Variants in GLT8D2 observed in about 807,000 individuals in gnomAD.
GLT8D2 encodes the protein glycosyltransferase 8 domain containing 2.
A neutral mutation model predicts 44.5 loss-of-function variants in GLT8D2; 45 were observed. That is an observed-to-expected ratio of 1.01 (90% CI 0.80 to 1.30). The LOEUF (loss-of-function observed/expected upper bound fraction) is 1.30, where lower values mean the gene tolerates loss of function less well. Among genes scored for constraint, GLT8D2 ranks in the 50% most tolerant of loss-of-function variants. The probability of loss-of-function intolerance (pLI) is 0.00; values close to 1 mark genes in which losing one functional copy is unlikely to be tolerated. For synonymous variants in GLT8D2, 156 were observed against 157.2 expected, an observed-to-expected ratio of 0.99 and a Z score of 0.06; for missense variants, 400 against 430.4, an observed-to-expected ratio of 0.93 and a Z score of 0.62.
At chr12:104,002,990 C>T in intron 5 of GLT8D2, 145 bp downstream of exon 5, 1 of 602,470 alleles carries the variant, frequency 1.7e-6, no homozygotes, top group Admixed American at 3.3e-5. Context: ...GAGAGAGAGA[C>T]AGAAAGAGAG....
At chr12:104,033,415 T>C (rs1191273688) in intron 1 of GLT8D2, among the ~76,000 whole-genome samples, 1 of 152,098 alleles carries the variant, frequency 6.6e-6, no homozygotes, top group Non-Finnish European at 1.5e-5. Flanking sequence ...GAAAAATGAA[T>C]ACAGCATGTT....
At chr12:104,036,822 A>C (rs1879976716) in intron 1 of GLT8D2, among the ~76,000 whole-genome samples, 1 of 152,234 alleles carries the variant, frequency 6.6e-6, no homozygotes, top group Non-Finnish European at 1.5e-5. Context: ...CTCAATAGAC[A>C]TCTACAGAAC....
At chr12:103,995,401 A>G (rs1873285343) in intron 8 of GLT8D2, among the ~76,000 whole-genome samples, 1 of 152,146 alleles carries the variant, frequency 6.6e-6, no homozygotes, top group African/African-American at 2.4e-5. Context: ...CCCCTGCCTC[A>G]AGATCTTTAC....
intron 4 of GLT8D2, among the ~76,000 whole-genome samples, chr12:104,008,089 G>A (rs1276280770): frequency 2.6e-5 from 4 of 152,234 alleles, no homozygotes; most frequent in Admixed American, 6.5e-5. Context: ...TACCAGTAGA[G>A]TGGGACGTTG....
At chr12:104,024,709 T>A (rs1878332239) in intron 1 of GLT8D2, among the ~76,000 whole-genome samples, 1 of 152,222 alleles carries the variant, frequency 6.6e-6, no homozygotes, top group African/African-American at 2.4e-5. Flanking sequence ...TTAAATCTTT[T>A]GTGCATTTTT....
chr12:103,989,821 T>C (rs4135150), intron 10 of GLT8D2, among the ~76,000 whole-genome samples: 12,779 of 152,026 alleles, frequency 0.084, 831 homozygotes, highest in East Asian at 0.31. Flanking sequence ...GAAGACAAAA[T>C]AGAGCATACT....
rs1021745793 is a variant in GLT8D2 at position 104,050,133 on chromosome 12, T to C, written c.-402A>G. On this transcript the variant is annotated 5_prime_UTR_variant, in exon 1 of 11. Transcript: ENST00000360814. The stretch of plus-strand genomic sequence containing the variant: ...GCGTTGACTTCGGAACGTCTCGGGT[T>C]TCTTCCACCTCTGCGCGAAGCCGCT... 6.6e-6 allele frequency: 1 copy of C among 152,296 alleles called. No individual in the cohort carries two copies. The highest frequency in any genetic ancestry group is 2.4e-5 in the African/African-American group (1 of 41,478). 9.4% of individuals were successfully genotyped at this position (152,296 alleles called of 1,614,324 possible).
chr12:104,048,578 G>A (rs1881410637), intron 1 of GLT8D2, among the ~76,000 whole-genome samples: 1 of 152,152 alleles, frequency 6.6e-6, no homozygotes, highest in Non-Finnish European at 1.5e-5. Flanking sequence ...GCACAAAGAA[G>A]AAATAATGAA....
At chr12:104,050,550 T>C (rs531303226), upstream of GLT8D2, among the ~76,000 whole-genome samples, 1 of 152,294 alleles carries the variant, frequency 6.6e-6, no homozygotes, top group South Asian at 2.1e-4. Flanking sequence ...TGGAGTGTTT[T>C]TGTGCCTGAA....
intron 1 of GLT8D2, among the ~76,000 whole-genome samples, chr12:104,045,564 A>G (rs1880994320): frequency 6.6e-6 from 1 of 152,170 alleles, no homozygotes; most frequent in Admixed American, 6.5e-5. Context: ...TGTTCTGGGC[A>G]TGAGAAGAGG....
At chr12:104,047,001 AT>A (rs1413132772) in intron 1 of GLT8D2, among the ~76,000 whole-genome samples, 1 of 151,340 alleles carries the variant, frequency 6.6e-6, no homozygotes, top group Admixed American at 6.6e-5. Context: ...CTAATTAAAA[AT>A]TTTTTTTGTA....
At chr12:104,022,376 G>A (rs1300076135) in intron 1 of GLT8D2, among the ~76,000 whole-genome samples, 4 of 152,252 alleles carry the variant, frequency 2.6e-5, no homozygotes, top group South Asian at 2.1e-4. Flanking sequence ...ACAGATTTGC[G>A]ATGAGATATG....
intron 4 of GLT8D2, chr12:104,014,360 A>G (rs185629714): frequency 0.012 from 8,064 of 670,612 alleles, 166 homozygotes; most frequent in South Asian, 0.044. Context: ...GTCTCAAAAA[A>G]AAAAGTAAAT....
At chr12:104,010,486 C>T (rs1342203210) in intron 4 of GLT8D2, among the ~76,000 whole-genome samples, 1 of 152,196 alleles carries the variant, frequency 6.6e-6, no homozygotes, top group Non-Finnish European at 1.5e-5. Context: ...TATGCTGTGG[C>T]CTTGCCTATG....
chr12:104,018,595 C>T (rs951691438), intron 3 of GLT8D2, among the ~76,000 whole-genome samples: 2 of 152,092 alleles, frequency 1.3e-5, no homozygotes, highest in Non-Finnish European at 1.5e-5. Flanking sequence ...CTGCCACGGC[C>T]GGGCGCAGTG....
intron 1 of GLT8D2, among the ~76,000 whole-genome samples, chr12:104,038,789 A>C (rs566590644): frequency 6.6e-6 from 1 of 152,214 alleles, no homozygotes; most frequent in African/African-American, 2.4e-5. Context: ...GAATTGGAAA[A>C]AAATACTTTA....
At chr12:104,037,474 A>C (rs921345524) in intron 1 of GLT8D2, among the ~76,000 whole-genome samples, 8 of 151,750 alleles carry the variant, frequency 5.3e-5, no homozygotes, top group Non-Finnish European at 1.2e-4. Flanking sequence ...ATGACAAAGG[A>C]GATATCACCA....
At chr12:103,999,366 T>C in intron 6 of GLT8D2, 31 bp downstream of exon 6, 1 of 1,224,872 alleles carries the variant, frequency 8.2e-7, no homozygotes, top group African/African-American at 1.5e-5. Flanking sequence ...CACCAAGGAC[T>C]GTCCCCAGCA....
At chr12:104,055,962 T>C (rs1326747270) in intron 1 of GLT8D2, among the ~76,000 whole-genome samples, 1 of 152,220 alleles carries the variant, frequency 6.6e-6, no homozygotes, top group African/African-American at 2.4e-5. Context: ...CATCTTCCTG[T>C]TGCCCTGAGC....
Sources: allele counts gnomAD v4.1 joint callset (sites outside exome capture counted in the v4.1 genomes callset), GRCh38; gene constraint gnomAD v4.1.1; transcripts MANE v1.5; gene names NCBI Gene and HGNC (gene_info 2026-07-23, HGNC 2026-07-21).